The following TMED3 variants were observed in gnomAD, a reference collection of about 807,000 sequenced individuals.
TMED3 encodes transmembrane emp24 domain-containing protein 3.
TMED3 carries 9 observed loss-of-function variants against 15.0 expected under a neutral mutation model. The observed-to-expected ratio is 0.60, with a 90% CI of 0.36 to 1.04. The LOEUF (loss-of-function observed/expected upper bound fraction) is 1.04. TMED3 is among the 50% of genes least tolerant of loss of function. TMED3 has a pLI of 0.01. For missense variants in TMED3, 267 were observed against 278.9 expected (o/e 0.96, Z 0.30); for synonymous variants, 117 against 121.4 (o/e 0.96, Z 0.24).
At chr15:79,401,723 C>T (rs1186189048) in intron 2 of TMED3, among the ~76,000 whole-genome samples, 1 of 152,072 alleles carries the variant, frequency 6.6e-6, no homozygotes, top group Non-Finnish European at 1.5e-5. Context: ...GTGCCAGTAA[C>T]TGCAAAAAGG....
intron 2 of TMED3, among the ~76,000 whole-genome samples, chr15:79,356,097 C>A (rs1328486502): frequency 6.6e-6 from 1 of 152,124 alleles, no homozygotes; most frequent in Non-Finnish European, 1.5e-5. Flanking sequence ...CAGCTCCCAG[C>A]ACATGTCCTG....
At chr15:79,381,806 C>CTT (rs1271984833) in intron 2 of TMED3, among the ~76,000 whole-genome samples, 1 of 152,216 alleles carries the variant, frequency 6.6e-6, no homozygotes, top group Non-Finnish European at 1.5e-5. Flanking sequence ...AGACTGTTGA[C>CTT]TTAACAATGT....
chr15:79,390,762 T>A (rs1421652627), intron 2 of TMED3, among the ~76,000 whole-genome samples: 1 of 152,050 alleles, frequency 6.6e-6, no homozygotes, highest in African/African-American at 2.4e-5. Flanking sequence ...ATCTCACTGC[T>A]TGTTATTGGT....
intron 2 of TMED3, among the ~76,000 whole-genome samples, chr15:79,409,963 G>T (rs1893951649): frequency 6.6e-6 from 1 of 152,078 alleles, no homozygotes; most frequent in Non-Finnish European, 1.5e-5. Context: ...AATACCCGAA[G>T]ATCCATTTTA....
rs1311573740 is a variant in TMED3, at chr15:79,351,819, CAGCCCAAGTGCCTCTCA to C, written c.417+37816_417+37832del. On this transcript the variant is annotated intron_variant, in intron 2 of 2. Coordinates refer to the TMED3 transcript ENST00000424155. ...ATTCACAATTGCAAAAATTTAGAAC[CAGCCCAAGTGCCTCTCA>C]ATCAACAAGTGGATAATGTGATATA... Among the ~76,000 whole-genome samples, 12 of 152,222 alleles carry C rather than the reference CAGCCCAAGTGCCTCTCA, an allele frequency of 7.9e-5. No individual in the cohort carries two copies. The East Asian group carries it at 2.3e-3, about 29-fold the overall frequency.
intron 2 of TMED3, among the ~76,000 whole-genome samples, chr15:79,328,600 T>C (rs1286944451): frequency 6.6e-6 from 1 of 152,180 alleles, no homozygotes; most frequent in African/African-American, 2.4e-5. Context: ...AGTAAGTGTA[T>C]GTGTTGGATG....
At chr15:79,334,956 TGAG>T (rs1309470013) in intron 2 of TMED3, among the ~76,000 whole-genome samples, 1 of 152,028 alleles carries the variant, frequency 6.6e-6, no homozygotes, top group Non-Finnish European at 1.5e-5. Flanking sequence ...GATGCCAAAA[TGAG>T]AACAGGCACT....
At chr15:79,361,703 A>T (rs994741022) in intron 2 of TMED3, among the ~76,000 whole-genome samples, 59 of 78,380 alleles carry the variant, frequency 7.5e-4, no homozygotes, top group African/African-American at 2.5e-3. Context: ...TAACTTATGG[A>T]AATAAAAAAA....
chr15:79,333,050 A>C (rs146530053), intron 2 of TMED3, among the ~76,000 whole-genome samples: 330 of 152,044 alleles, frequency 2.2e-3, no homozygotes, highest in African/African-American at 7.8e-3. Flanking sequence ...CTTCTCTTGC[A>C]CTCCATTCTG....
intron 2 of TMED3, among the ~76,000 whole-genome samples, chr15:79,392,116 C>T (rs1222171579): frequency 6.6e-6 from 1 of 152,138 alleles, no homozygotes; most frequent in Non-Finnish European, 1.5e-5. Flanking sequence ...TACCATTCCA[C>T]TCATCATGCT....
At chr15:79,409,721 A>G (rs1893946926) in intron 2 of TMED3, among the ~76,000 whole-genome samples, 1 of 152,228 alleles carries the variant, frequency 6.6e-6, no homozygotes, top group South Asian at 2.1e-4. Flanking sequence ...TCGTATTGTA[A>G]GAAAAGAATG....
chr15:79,321,682 T>C (rs1034156382), intron 2 of TMED3, among the ~76,000 whole-genome samples: 20 of 151,770 alleles, frequency 1.3e-4, no homozygotes, highest in African/African-American at 4.8e-4. Flanking sequence ...CTATCAGGAG[T>C]ATTGTAAGGA....
intron 2 of TMED3, among the ~76,000 whole-genome samples, chr15:79,362,601 C>T (rs1595900597): frequency 6.6e-6 from 1 of 152,218 alleles, no homozygotes; most frequent in East Asian, 1.9e-4. Context: ...GTAATAATCC[C>T]CAAGTGTCAT....
At chr15:79,356,643 T>A (rs565058837) in intron 2 of TMED3, among the ~76,000 whole-genome samples, 1 of 152,226 alleles carries the variant, frequency 6.6e-6, no homozygotes, top group African/African-American at 2.4e-5. Context: ...GGCAAAAGGA[T>A]GGAGAGTGTC....
At chr15:79,359,857 C>T (rs7183518) in intron 2 of TMED3, among the ~76,000 whole-genome samples, 17,171 of 152,026 alleles carry the variant, frequency 0.11, 1,343 homozygotes, top group East Asian at 0.41. Context: ...CTATTATCTC[C>T]CTTCTTCTTC....
chr15:79,331,862 C>T (rs1212353308), intron 2 of TMED3, among the ~76,000 whole-genome samples: 1 of 152,042 alleles, frequency 6.6e-6, no homozygotes, highest in Non-Finnish European at 1.5e-5. Flanking sequence ...ATCATCTCAC[C>T]CCAGTTAGGA....
chr15:79,330,775 TC>T, intron 2 of TMED3, among the ~76,000 whole-genome samples: 1 of 152,220 alleles, frequency 6.6e-6, no homozygotes, highest in South Asian at 2.1e-4. Flanking sequence ...CTTCCAGACC[TC>T]AAAGTATACT....
At chr15:79,383,024 A>G (rs1352860074) in intron 2 of TMED3, 27 of 1,535,316 alleles carry the variant, frequency 1.8e-5, no homozygotes, top group Admixed American at 3.9e-5. Context: ...TGTGATCACC[A>G]TCTGGGATCT....
intron 2 of TMED3, among the ~76,000 whole-genome samples, chr15:79,387,621 T>C (rs12915670): frequency 5.0e-4 from 72 of 144,332 alleles, no homozygotes; most frequent in African/African-American, 1.6e-3. Context: ...CACACACACA[T>C]ACACACACAC....
Sources: gnomAD v4.1 joint callset for allele counts (sites outside exome capture counted in the v4.1 genomes callset) on GRCh38, gnomAD v4.1.1 for gene constraint, MANE v1.5 for transcripts, NCBI Gene and HGNC (gene_info 2026-07-23, HGNC 2026-07-21) for gene names.